ATP2C2: variants seen among roughly 807,000 people sequenced by gnomAD.
The protein encoded by ATP2C2 is ATPase secretory pathway Ca2+ transporting 2.
ATP2C2 carries 171 observed loss-of-function variants against 110.8 expected under a neutral mutation model. That is an observed-to-expected ratio of 1.54 (90% CI 1.36 to 1.75). The LOEUF is 1.75. Ranked by LOEUF, ATP2C2 falls within the 40% of genes most tolerant of loss-of-function variation. The pLI is 0.00. For synonymous variants in ATP2C2, 804 were observed against 508.4 expected (o/e 1.58, Z -7.82); for missense variants, 1,963 against 1,235.0 (o/e 1.59, Z -8.84).
intron 11 of ATP2C2, among the ~76,000 whole-genome samples, chr16:84,437,132 T>G (rs541731188): frequency 2.0e-5 from 3 of 152,288 alleles, no homozygotes; most frequent in Non-Finnish European, 2.9e-5. Flanking sequence ...AGCATACAAT[T>G]TAATGGTTTT....
chr16:84,404,708 C>T (rs1222806776), intron 2 of ATP2C2: 2 of 352,100 alleles, frequency 5.7e-6, no homozygotes, highest in African/African-American at 4.3e-5. Context: ...TGGGTATATA[C>T]CCCAAAGTGG....
chr16:84,377,912 C>G (rs533674728), intron 1 of ATP2C2, among the ~76,000 whole-genome samples: 1 of 152,150 alleles, frequency 6.6e-6, no homozygotes, highest in Non-Finnish European at 1.5e-5. Flanking sequence ...TCAGGAGAAG[C>G]GGGCATGGTG....
At chr16:84,383,760 T>TGTGTGTGTGTGTGTGTGTGTGTGTGTGG (rs1246366949) in intron 1 of ATP2C2, among the ~76,000 whole-genome samples, 1 of 146,206 alleles carries the variant, frequency 6.8e-6, no homozygotes, top group Admixed American at 7.0e-5. Flanking sequence ...TATGTGTGTG[T>TGTGTGTGTGTGTGTGTGTGTGTGTGTGG]TGGGGGTGGG....
In ATP2C2 at chr16:84,446,313, C is replaced by A; in HGVS notation, c.1402-16C>A. ...TTCGGATGACTCACTAAAAATGTGTCATTTTATTATGCTAGATGGACTTAA... is the reference window on the plus strand; with the variant it reads ...TTCGGATGACTCACTAAAAATGTGTAATTTTATTATGCTAGATGGACTTAA... On this transcript the variant is annotated splice_polypyrimidine_tract_variant and intron_variant, in intron 15 of 26. Coordinates refer to ENST00000262429, the MANE Select transcript of ATP2C2 (RefSeq NM_014861.4). 2 of 1,490,670 alleles carry A rather than the reference C, an allele frequency of 1.3e-6. No homozygotes were observed. The highest frequency in any genetic ancestry group is 1.8e-6 in the Non-Finnish European group (2 of 1,094,790). The allele number at this position is 1,490,670 out of a possible 1,614,324, so 92.3% of individuals were successfully genotyped here.
chr16:84,417,028 A>T (rs1279641523), intron 7 of ATP2C2, among the ~76,000 whole-genome samples: 1 of 152,160 alleles, frequency 6.6e-6, no homozygotes. Context: ...GAGGTGGCCA[A>T]TGACCTGGGG....
intron 11 of ATP2C2, among the ~76,000 whole-genome samples, chr16:84,430,469 C>T (rs1304210765): frequency 6.6e-6 from 1 of 152,048 alleles, no homozygotes; most frequent in Admixed American, 6.6e-5. Context: ...GGTGAAACCC[C>T]ATCTGTACTA....
chr16:84,383,063 C>A (rs527421387), intron 1 of ATP2C2, among the ~76,000 whole-genome samples: 1 of 152,140 alleles, frequency 6.6e-6, no homozygotes, highest in Non-Finnish European at 1.5e-5. Context: ...TGGGATCCAG[C>A]GCTGGGCCTG....
intron 11 of ATP2C2, among the ~76,000 whole-genome samples, chr16:84,435,281 T>G (rs1243237793): frequency 6.6e-6 from 1 of 152,224 alleles, no homozygotes; most frequent in African/African-American, 2.4e-5. Flanking sequence ...TTGGCAGTGT[T>G]TATTCTTTTC....
chr16:84,451,707 G>A (rs776255776), intron 17 of ATP2C2, among the ~76,000 whole-genome samples: 3 of 152,134 alleles, frequency 2.0e-5, no homozygotes, highest in Non-Finnish European at 2.9e-5. Flanking sequence ...GCCTGGAGGC[G>A]CATGCCCGTA....
chr16:84,463,661 G>T lies in ATP2C2; in HGVS notation c.2770G>T (p.Glu924Ter). 1 of 1,614,214 alleles carries T rather than the reference G, an allele frequency of 6.2e-7. No individual in the cohort carries two copies. The highest frequency in any genetic ancestry group is 8.5e-7 in the Non-Finnish European group (1 of 1,180,044). The change falls in exon 27 of 27, where the codon GAG becomes TAG. Residue 924 changes from glutamate (E) to a stop codon, truncating the protein, a stop_gained. Transcript: ENST00000262429. LOFTEE classifies it low-confidence loss of function (END_TRUNC). ...GLASSVFILS[E>*]LLKLCEKYCC... is the part of the protein sequence containing the mutation. ...GGCCTCATCCGTCTTCATTTTGTCA[G>T]AGCTCCTCAAACTATGTGAAAAATA...
At chr16:84,407,629 C>A (rs1905892373) in intron 3 of ATP2C2, among the ~76,000 whole-genome samples, 1 of 151,994 alleles carries the variant, frequency 6.6e-6, no homozygotes, top group African/African-American at 2.4e-5. Context: ...CCTCACCATG[C>A]CCAGCTCATT....
At chr16:84,370,766 A>T (rs1419821034) in intron 1 of ATP2C2, among the ~76,000 whole-genome samples, 1 of 151,568 alleles carries the variant, frequency 6.6e-6, no homozygotes, top group African/African-American at 2.4e-5. Context: ...CACTAATTAC[A>T]TGCCACATCC....
chr16:84,385,528 G>A (rs547285046), intron 1 of ATP2C2, among the ~76,000 whole-genome samples: 85 of 152,264 alleles, frequency 5.6e-4, no homozygotes, highest in African/African-American at 1.7e-3. Context: ...TAACTTGGTC[G>A]TTTATTCATT....
At chr16:84,403,827 A>G (rs936576878) in intron 2 of ATP2C2, among the ~76,000 whole-genome samples, 1 of 152,002 alleles carries the variant, frequency 6.6e-6, no homozygotes, top group Non-Finnish European at 1.5e-5. Flanking sequence ...AGTGGCTGGG[A>G]TTACAGGCAC....
intron 1 of ATP2C2, 116 bp downstream of exon 1, chr16:84,368,830 C>G (rs1909785358): frequency 2.3e-6 from 2 of 887,030 alleles, no homozygotes; most frequent in Non-Finnish European, 3.4e-6. Context: ...TCGCCCTCCT[C>G]CCCTGGCTCT....
At chr16:84,430,509 C>T (rs1217632201) in intron 11 of ATP2C2, among the ~76,000 whole-genome samples, 3 of 151,994 alleles carry the variant, frequency 2.0e-5, no homozygotes, top group East Asian at 3.9e-4. Flanking sequence ...GGCGTGGTGG[C>T]ACGTGCCTAT....
At chr16:84,385,474 T>C (rs925821747) in intron 1 of ATP2C2, among the ~76,000 whole-genome samples, 3 of 152,208 alleles carry the variant, frequency 2.0e-5, no homozygotes, top group African/African-American at 7.2e-5. Context: ...TCATTCTCTC[T>C]CATTTAACGT....
chr16:84,417,291 C>G (rs532536407), intron 7 of ATP2C2, among the ~76,000 whole-genome samples: 2 of 152,216 alleles, frequency 1.3e-5, no homozygotes, highest in East Asian at 3.9e-4. Flanking sequence ...TCAGAGAACC[C>G]CAGGCCCCAT....
chr16:84,379,479 G>C (rs1364215380), intron 1 of ATP2C2, among the ~76,000 whole-genome samples: 2 of 152,170 alleles, frequency 1.3e-5, no homozygotes, highest in East Asian at 3.9e-4. Flanking sequence ...CCTTTCTTTT[G>C]ATGACATGTC....
Sources: gnomAD v4.1 joint callset for allele counts (sites outside exome capture counted in the v4.1 genomes callset) on GRCh38, gnomAD v4.1.1 for gene constraint, MANE v1.5 for transcripts, NCBI Gene and HGNC (gene_info 2026-07-23, HGNC 2026-07-21) for gene names.